Variants in RALGPS1 observed in about 807,000 individuals in gnomAD.
RALGPS1 encodes ras-specific guanine nucleotide-releasing factor RalGPS1.
In RALGPS1, 19 loss-of-function variants were observed where a neutral mutation model predicts 78.8. The observed-to-expected ratio is 0.24, with a 90% CI of 0.17 to 0.35. The LOEUF (loss-of-function observed/expected upper bound fraction) is 0.35, where lower values mean the gene tolerates loss of function less well. RALGPS1 is among the 10% of genes least tolerant of loss of function. The pLI is 1.00. For missense variants in RALGPS1, 454 were observed against 688.3 expected (o/e 0.66, Z 3.81); for synonymous variants, 228 against 256.3 (o/e 0.89, Z 1.06).
At chr9:127,196,449 T>G (rs929965031) in intron 12 of RALGPS1, 25 bp from the exon 13 acceptor site, 3 of 1,598,614 alleles carry the variant, frequency 1.9e-6, no homozygotes. Context: ...GAGCTTTGCC[T>G]TCTTTCTTCC....
intron 10 of RALGPS1, among the ~76,000 whole-genome samples, chr9:127,173,362 A>G (rs187022888): frequency 1.4e-4 from 22 of 152,010 alleles, no homozygotes; most frequent in African/African-American, 4.8e-4. Context: ...ACCCAGTGAG[A>G]CCCCTCATTG....
At chr9:127,158,015 T>G (rs1387870399) in intron 8 of RALGPS1, among the ~76,000 whole-genome samples, 1 of 152,142 alleles carries the variant, frequency 6.6e-6, no homozygotes. Context: ...TGATAATATT[T>G]TATTTGGAAT....
At chr9:126,929,526 A>G (rs746350583) in intron 1 of RALGPS1, among the ~76,000 whole-genome samples, 3 of 150,346 alleles carry the variant, frequency 2.0e-5, no homozygotes, top group Non-Finnish European at 4.4e-5. Context: ...ATCTTAGCTC[A>G]CCGCAACCTC....
At position 126,962,168 on chromosome 9, in the gene RALGPS1, G is replaced by T; in HGVS notation, c.-65-57G>T. On this transcript the variant is annotated intron_variant, in intron 1 of 18. Transcript: ENST00000259351. ...TCAAGTCTGGTACAACTTTTGCCTGGGGGTGGGGATAAATTTGTTTTGAAG... is the reference window on the plus strand; with the variant it reads ...TCAAGTCTGGTACAACTTTTGCCTGTGGGTGGGGATAAATTTGTTTTGAAG... 6 of 904,562 alleles carry T rather than the reference G, an allele frequency of 6.6e-6. No homozygotes were observed. The South Asian group carries it at 7.7e-5, about 12-fold the overall frequency. 56.0% of individuals were successfully genotyped at this position (904,562 alleles called of 1,614,324 possible).
At position 126,997,059 on chromosome 9, in the gene RALGPS1, A is replaced by G. The variant is rs530540465; in HGVS notation, c.216+19314A>G. 4.1e-3 allele frequency among the ~76,000 whole-genome samples: 631 copies of G among 152,274 alleles called. 5 individuals carry two copies. The highest frequency in any genetic ancestry group is 0.014 in the African/African-American group (598 of 41,558). The stretch of plus-strand genomic sequence containing the variant: ...AAAATAATAAGAGCTATCTATGACA[A>G]CCCCACAGCCAATATCATACTGAAT... On this transcript the variant is annotated intron_variant, in intron 4 of 18. Transcript: ENST00000259351.
intron 5 of RALGPS1, among the ~76,000 whole-genome samples, chr9:127,038,449 A>C (rs996897018): frequency 6.6e-6 from 1 of 152,178 alleles, no homozygotes; most frequent in Non-Finnish European, 1.5e-5. Flanking sequence ...CTGCTTTTCC[A>C]AACCTAATTT....
chr9:127,196,698 T>A, intron 13 of RALGPS1, 67 bp downstream of exon 13: 1 of 1,482,716 alleles, frequency 6.7e-7, no homozygotes, highest in Non-Finnish European at 9.0e-7. Flanking sequence ...TCCGTGTCTG[T>A]CTCTGTGTCA....
chr9:126,925,097 A>G (rs1209796945), intron 1 of RALGPS1, among the ~76,000 whole-genome samples: 2 of 152,008 alleles, frequency 1.3e-5, no homozygotes, highest in African/African-American at 4.8e-5. Flanking sequence ...ATTGCACTCC[A>G]ACCTGGGAAG....
intron 3 of RALGPS1, among the ~76,000 whole-genome samples, chr9:126,966,221 A>T (rs1329814476): frequency 1.3e-5 from 2 of 152,202 alleles, no homozygotes; most frequent in African/African-American, 4.8e-5. Flanking sequence ...CGTGCAATTT[A>T]AAAAATTCAT....
chr9:127,219,322 G>C lies in RALGPS1; in HGVS notation c.*553G>C, dbSNP rs559954937. ...AAACATGCATTTTGGCACAAGACTC[G>C]TGACATCACACACTTCATTCGCTTT... On this transcript the variant is annotated 3_prime_UTR_variant, in exon 19 of 19. Transcript: ENST00000259351. This position sits in a 1 kb window ranked among gnomAD's most constrained non-coding sequence, Gnocchi z 5.0. 1.3e-5 allele frequency: 2 copies of C among 156,980 alleles called. No homozygotes were observed. Among genetic ancestry groups the C allele is most frequent in the African/African-American group, 4.8e-5 (2 of 41,468 alleles). The allele number at this position is 156,980 out of a possible 1,614,324, so 9.7% of individuals were successfully genotyped here. A position where few individuals can be genotyped will look rare whatever the true frequency, so the allele number is the denominator to read the frequency against.
In RALGPS1 at chr9:127,213,061, G is replaced by C; in HGVS notation, c.1552+12G>C. 1 of 1,614,196 alleles carries C rather than the reference G, an allele frequency of 6.2e-7. No homozygotes were observed. Among genetic ancestry groups the C allele is most frequent in the South Asian group, 1.1e-5 (1 of 91,080 alleles). ...CAACCCTGACAAAGGTAGGCAGCAG[G>C]CCAGAGCTGGCGCCTGCAGCTGCTC... On this transcript the variant is annotated intron_variant, in intron 17 of 18. Transcript: ENST00000259351.
chr9:127,144,492 T>C (rs2057982580), intron 8 of RALGPS1, among the ~76,000 whole-genome samples: 1 of 152,200 alleles, frequency 6.6e-6, no homozygotes, highest in African/African-American at 2.4e-5. Flanking sequence ...ACCCAGCAAT[T>C]GTACTCAGGG....
intron 9 of RALGPS1, among the ~76,000 whole-genome samples, chr9:127,168,416 A>G (rs1321957777): frequency 6.6e-6 from 1 of 152,120 alleles, no homozygotes; most frequent in African/African-American, 2.4e-5. Flanking sequence ...CTTCCTGGCT[A>G]AAAAAACATG....
chr9:126,962,337 C>T lies in RALGPS1; in HGVS notation c.48C>T (p.Ala16=). The change falls in exon 2 of 19, where the codon GCC becomes GCT. Residue 16 remains alanine, a synonymous_variant. Coordinates refer to ENST00000259351, the MANE Select transcript of RALGPS1 (RefSeq NM_014636.3). ...GLMASVLVTS[A]TPQGSSSSDS... Reference sequence around the variant, plus strand: ...TGGCTAGCGTGTTGGTCACCTCTGCCACTCCACAGGTACTGAGGCTGCAAG... The same window carrying T: ...TGGCTAGCGTGTTGGTCACCTCTGCTACTCCACAGGTACTGAGGCTGCAAG... 1 of 1,614,114 alleles carries T rather than the reference C, an allele frequency of 6.2e-7. No individual in the cohort carries two copies. The highest frequency in any genetic ancestry group is 1.1e-5 in the South Asian group (1 of 91,086).
intron 2 of RALGPS1, among the ~76,000 whole-genome samples, chr9:126,963,093 G>A (rs750393311): frequency 6.6e-6 from 1 of 152,164 alleles, no homozygotes; most frequent in Non-Finnish European, 1.5e-5. Flanking sequence ...ATAGGTTTAA[G>A]TAAAGCTGTT....
chr9:127,081,378 T>G (rs73591290), intron 8 of RALGPS1, among the ~76,000 whole-genome samples: 8,984 of 152,264 alleles, frequency 0.059, 890 homozygotes, highest in African/African-American at 0.21. Context: ...CATCTCCCTG[T>G]GTTCCTACCA....
chr9:127,045,973 A>G (rs765333178), intron 5 of RALGPS1, among the ~76,000 whole-genome samples: 3 of 152,202 alleles, frequency 2.0e-5, no homozygotes, highest in Non-Finnish European at 4.4e-5. Context: ...AATATAAAAG[A>G]TGAGCCTGTT....
chr9:127,038,609 G>A (rs1205017426), intron 5 of RALGPS1, among the ~76,000 whole-genome samples: 1 of 152,180 alleles, frequency 6.6e-6, no homozygotes, highest in African/African-American at 2.4e-5. Context: ...GTCATTGACT[G>A]AATATGTACT....
At chr9:127,093,779 C>T (rs2052771473) in intron 8 of RALGPS1, 1 of 1,614,042 alleles carries the variant, frequency 6.2e-7, no homozygotes, top group Non-Finnish European at 8.5e-7. Flanking sequence ...GCCATCCAGG[C>T]GTCTCTGGAT....
Sources: gnomAD v4.1 joint callset for allele counts (sites outside exome capture counted in the v4.1 genomes callset) on GRCh38, gnomAD v4.1.1 for gene constraint, Gnocchi (gnomAD v3.1) non-coding constraint, MANE v1.5 for transcripts, NCBI Gene and HGNC (gene_info 2026-07-23, HGNC 2026-07-21) for gene names.